Variants in STAT3 observed in about 807,000 individuals in gnomAD.
The protein encoded by STAT3 is DNA-binding protein APRF.
STAT3 carries 7 observed loss-of-function variants against 114.3 expected under a neutral mutation model. That is an observed-to-expected ratio of 0.06 (90% CI 0.03 to 0.11). The LOEUF (loss-of-function observed/expected upper bound fraction) is 0.11, where lower values mean the gene tolerates loss of function less well. Among genes scored for constraint, STAT3 ranks in the 10% least tolerant of loss-of-function variants. The probability of loss-of-function intolerance (pLI) is 1.00; values close to 1 mark genes in which losing one functional copy is unlikely to be tolerated. For missense variants in STAT3, 364 were observed against 960.9 expected, an observed-to-expected ratio of 0.38 and a Z score of 8.21; for synonymous variants, 331 against 354.5, an observed-to-expected ratio of 0.93 and a Z score of 0.74.
chr17:42,337,360 C>A lies in STAT3; in HGVS notation c.797+75G>T. 1.3e-6 allele frequency: 2 copies of A among 1,586,594 alleles called. No individual in the cohort carries two copies. Among genetic ancestry groups the A allele is most frequent in the East Asian group, 2.2e-5 (1 of 44,506 alleles). On this transcript the variant is annotated intron_variant, in intron 8 of 23. Coordinates refer to ENST00000264657, the MANE Select transcript of STAT3 (RefSeq NM_139276.3). The surrounding 1 kb of genome is among the most constrained non-coding windows in gnomAD (Gnocchi z 4.0). ...CCACGTTGGAGATATAGTACCAATTCTGTGGGCCTGCAGTTAAGATCAGAA... is the reference window on the plus strand; with the variant it reads ...CCACGTTGGAGATATAGTACCAATTATGTGGGCCTGCAGTTAAGATCAGAA...
At chr17:42,370,250 C>T (rs1460539211) in intron 1 of STAT3, among the ~76,000 whole-genome samples, 4 of 148,412 alleles carry the variant, frequency 2.7e-5, no homozygotes, top group Non-Finnish European at 5.9e-5. Flanking sequence ...CCACACCCAG[C>T]CTTTTTTTTT....
At chr17:42,347,831 G>A (rs1419504826) in intron 2 of STAT3, among the ~76,000 whole-genome samples, 3 of 152,082 alleles carry the variant, frequency 2.0e-5, no homozygotes, top group Non-Finnish European at 2.9e-5. Flanking sequence ...TCTGCCTTCC[G>A]CCATGATTGG....
intron 1 of STAT3, among the ~76,000 whole-genome samples, chr17:42,381,492 G>C (rs767868186): frequency 6.6e-6 from 1 of 152,078 alleles, no homozygotes; most frequent in African/African-American, 2.4e-5. Flanking sequence ...TTGGGAGGCC[G>C]AGGCAGGCGG....
chr17:42,334,574 A>G (rs2082154899), intron 8 of STAT3, among the ~76,000 whole-genome samples: 1 of 151,130 alleles, frequency 6.6e-6, no homozygotes, highest in African/African-American at 2.4e-5. Context: ...CCTCCCAAGT[A>G]GCTGGGATTA....
At position 42,329,394 on chromosome 17, in the gene STAT3, C is replaced by T. The variant is rs202032496; in HGVS notation, c.1281+16G>A. On this transcript the variant is annotated intron_variant, in intron 14 of 23. Transcript: ENST00000264657. ...GGAAAACACCCCAGTTGTCTTTCAT[C>T]CCCAACAAAACTTACATCACAATTG... is the stretch of plus-strand genomic sequence containing the variant. 6.2e-7 allele frequency: 1 copy of T among 1,613,400 alleles called. No homozygotes were observed. Among genetic ancestry groups the T allele is most frequent in the Non-Finnish European group, 8.5e-7 (1 of 1,179,990 alleles).
intron 14 of STAT3, among the ~76,000 whole-genome samples, chr17:42,326,554 C>T (rs1431763091): frequency 6.6e-6 from 1 of 151,708 alleles, no homozygotes; most frequent in Non-Finnish European, 1.5e-5. Context: ...CGTGATGGCT[C>T]ACACCTACAA....
Position 42,364,884 on chromosome 17 carries a change from A to G in STAT3, c.-23-16345T>C, listed in dbSNP as rs148028231. 7.2e-4 allele frequency among the ~76,000 whole-genome samples: 109 copies of G among 152,310 alleles called. 1 individual carries two copies. Among genetic ancestry groups the G allele is most frequent in the African/African-American group, 2.5e-3 (104 of 41,572 alleles). On this transcript the variant is annotated intron_variant, in intron 1 of 23. Coordinates refer to ENST00000264657, the MANE Select transcript of STAT3 (RefSeq NM_139276.3). ...GAAGGAAGATTCTTTTCTCAAATTT[A>G]TTCAGGTCACTTTCCCTATACGAAA...
intron 8 of STAT3, among the ~76,000 whole-genome samples, chr17:42,336,934 T>C (rs1438460192): frequency 1.3e-5 from 2 of 151,938 alleles, no homozygotes; most frequent in African/African-American, 4.8e-5. Context: ...TATAAATACA[T>C]TTTTTAAAAC....
At chr17:42,340,998 G>GTT (rs2082422868) in intron 4 of STAT3, among the ~76,000 whole-genome samples, 1 of 152,096 alleles carries the variant, frequency 6.6e-6, no homozygotes, top group African/African-American at 2.4e-5. Context: ...TGCACATCCA[G>GTT]TCTCTCTACC....
intron 1 of STAT3, among the ~76,000 whole-genome samples, chr17:42,368,278 A>G (rs1323529214): frequency 6.6e-6 from 1 of 152,260 alleles, no homozygotes; most frequent in Non-Finnish European, 1.5e-5. Flanking sequence ...TTAAACTGCA[A>G]TAATGAGACT....
intron 1 of STAT3, chr17:42,388,039 C>G (rs1424359041): frequency 8.9e-6 from 4 of 447,416 alleles, no homozygotes; most frequent in Non-Finnish European, 1.5e-5. Context: ...GGTGCCCCCT[C>G]GAGCGCGTTC....
At chr17:42,335,023 C>T (rs772792826) in intron 8 of STAT3, among the ~76,000 whole-genome samples, 1 of 152,218 alleles carries the variant, frequency 6.6e-6, no homozygotes, top group Non-Finnish European at 1.5e-5. Context: ...CTCTGTCACA[C>T]ACTATCTGTG....
At chr17:42,334,498 G>A (rs1396403349) in intron 8 of STAT3, among the ~76,000 whole-genome samples, 4 of 142,638 alleles carry the variant, frequency 2.8e-5, no homozygotes, top group Non-Finnish European at 1.5e-5. Flanking sequence ...AGGCTGGAGT[G>A]CAGTGGCACA....
chr17:42,367,282 T>C (rs1421472210), intron 1 of STAT3, among the ~76,000 whole-genome samples: 1 of 151,374 alleles, frequency 6.6e-6, no homozygotes, highest in Admixed American at 6.6e-5. Flanking sequence ...GATGTTGCAA[T>C]GAGCCGAGAT....
chr17:42,386,559 C>T (rs1337435142), intron 1 of STAT3, among the ~76,000 whole-genome samples: 3 of 151,972 alleles, frequency 2.0e-5, no homozygotes, highest in African/African-American at 7.3e-5. Flanking sequence ...CATTATGGTG[C>T]TTAGACTAGA....
chr17:42,387,963 G>T, intron 1 of STAT3: 1 of 281,268 alleles, frequency 3.6e-6, no homozygotes, highest in Non-Finnish European at 6.6e-6. Context: ...CAGGGCCCCA[G>T]GGAGCAGGAA....
intron 21 of STAT3, among the ~76,000 whole-genome samples, chr17:42,319,056 C>T (rs2081359384): frequency 6.6e-6 from 1 of 152,118 alleles, no homozygotes; most frequent in Admixed American, 6.5e-5. Context: ...GCCTCACCAA[C>T]ATGGGGAAAC....
chr17:42,332,383 C>A (rs2082056451), intron 10 of STAT3, among the ~76,000 whole-genome samples: 1 of 150,110 alleles, frequency 6.7e-6, no homozygotes, highest in African/African-American at 2.4e-5. Context: ...ACTAAAAATA[C>A]AAAAATCAGC....
Position 42,330,896 on chromosome 17 carries a change from G to A in STAT3, c.1109+576C>T, listed in dbSNP as rs548430528. 2.1e-3 allele frequency among the ~76,000 whole-genome samples: 313 copies of A among 152,114 alleles called. 2 individuals are homozygous for A. The highest frequency in any genetic ancestry group is 6.9e-3 in the African/African-American group (287 of 41,484). On this transcript the variant is annotated intron_variant, in intron 11 of 23. Coordinates refer to ENST00000264657, the MANE Select transcript of STAT3 (RefSeq NM_139276.3). Reference sequence around the variant, plus strand: ...TGGAAAGAATATATAACGACGTTTCGGTCAACAACAAAATGCATATATGAT... The same window carrying A: ...TGGAAAGAATATATAACGACGTTTCAGTCAACAACAAAATGCATATATGAT...
Sources: allele counts gnomAD v4.1 joint callset (sites outside exome capture counted in the v4.1 genomes callset), GRCh38; gene constraint gnomAD v4.1.1; non-coding constraint Gnocchi (gnomAD v3.1); transcripts MANE v1.5; gene names NCBI Gene and HGNC (gene_info 2026-07-23, HGNC 2026-07-21).